ATP2B2: variants seen among roughly 807,000 people sequenced by gnomAD.
ATP2B2 encodes the protein plasma membrane calcium-transporting ATPase 2.
Under a neutral mutation model 120.0 loss-of-function variants are expected in ATP2B2, and 15 were observed. The ratio of observed to expected loss-of-function variants is 0.12; its 90% CI spans 0.08 to 0.19. The LOEUF is 0.19. ATP2B2 is among the 10% of genes least tolerant of loss of function. The probability of loss-of-function intolerance (pLI) is 1.00; values close to 1 mark genes in which losing one functional copy is unlikely to be tolerated. For synonymous variants in ATP2B2, 694 were observed against 700.3 expected, an observed-to-expected ratio of 0.99 and a Z score of 0.14; for missense variants, 1,045 against 1,719.8, an observed-to-expected ratio of 0.61 and a Z score of 6.94.
chr3:10,434,084 A>AGCTAGGGGGTGGGGCATACCCC (rs965984203), intron 2 of ATP2B2, among the ~76,000 whole-genome samples: 4 of 152,246 alleles, frequency 2.6e-5, no homozygotes, highest in African/African-American at 9.6e-5. Context: ...AGTGATTCTC[A>AGCTAGGGGGTGGGGCATACCCC]GCTAGGGGGT....
chr3:10,613,791 C>T (rs1033841893), intron 2 of ATP2B2, among the ~76,000 whole-genome samples: 3 of 152,070 alleles, frequency 2.0e-5, no homozygotes, highest in Non-Finnish European at 4.4e-5. Flanking sequence ...CCTGTATCCC[C>T]CACCCAGCCC....
chr3:10,618,512 T>G (rs922242919), intron 2 of ATP2B2, among the ~76,000 whole-genome samples: 6 of 152,346 alleles, frequency 3.9e-5, no homozygotes, highest in South Asian at 4.1e-4. Context: ...CAAGTCCACA[T>G]TATTTTCAGA....
At chr3:10,456,932 GGGGTGGA>G (rs972200246) in intron 1 of ATP2B2, among the ~76,000 whole-genome samples, 7 of 152,220 alleles carry the variant, frequency 4.6e-5, no homozygotes. Flanking sequence ...CCTGCAGTTG[GGGGTGGA>G]GGGCCAACAG....
intron 8 of ATP2B2, 57 bp from the exon 9 acceptor site, chr3:10,379,341 T>C (rs1246959648): frequency 3.8e-6 from 6 of 1,577,354 alleles, no homozygotes; most frequent in Non-Finnish European, 5.2e-6. Context: ...TGGTCGGTCA[T>C]CACGAAGACG....
intron 1 of ATP2B2, among the ~76,000 whole-genome samples, chr3:10,625,373 G>T (rs1361102956): frequency 6.6e-6 from 1 of 152,188 alleles, no homozygotes; most frequent in East Asian, 1.9e-4. Context: ...TGGAGCCAGG[G>T]GGAGGAGTCT....
At chr3:10,628,160 C>G (rs903207270) in intron 1 of ATP2B2, among the ~76,000 whole-genome samples, 2 of 152,190 alleles carry the variant, frequency 1.3e-5, no homozygotes, top group African/African-American at 2.4e-5. Context: ...GGCAGAGGCC[C>G]GACAACCCAG....
chr3:10,393,621 C>T (rs112183162), intron 5 of ATP2B2, among the ~76,000 whole-genome samples: 5,310 of 152,224 alleles, frequency 0.035, 138 homozygotes, highest in African/African-American at 0.068. Context: ...TCTGGGGCAG[C>T]CCCAAGGAGA....
chr3:10,483,496 C>A (rs1275226381), intron 1 of ATP2B2, among the ~76,000 whole-genome samples: 1 of 152,220 alleles, frequency 6.6e-6, no homozygotes, highest in Admixed American at 6.5e-5. Context: ...TGGCTCCTGG[C>A]CCTGAGTGGC....
intron 3 of ATP2B2, among the ~76,000 whole-genome samples, chr3:10,526,372 C>T (rs1356436558): frequency 6.6e-6 from 1 of 152,138 alleles, no homozygotes; most frequent in African/African-American, 2.4e-5. Context: ...CCAATCATTC[C>T]CTATTTAAGG....
At chr3:10,514,372 G>A (rs1032550225) in intron 3 of ATP2B2, among the ~76,000 whole-genome samples, 2 of 152,140 alleles carry the variant, frequency 1.3e-5, no homozygotes, top group African/African-American at 2.4e-5. Flanking sequence ...TGATGCTGAT[G>A]GAGTCTTGAT....
chr3:10,484,335 T>C (rs2065541530), intron 1 of ATP2B2, among the ~76,000 whole-genome samples: 1 of 152,126 alleles, frequency 6.6e-6, no homozygotes, highest in East Asian at 1.9e-4. Context: ...TGCTGGCCAC[T>C]GTCTGCCTCT....
chr3:10,328,220 A>G lies in ATP2B2; in HGVS notation c.*594T>C, dbSNP rs1314423902. 1 of 153,244 alleles carries G rather than the reference A, an allele frequency of 6.5e-6. No individual in the cohort carries two copies. Among genetic ancestry groups the G allele is most frequent in the Non-Finnish European group, 1.5e-5 (1 of 68,684 alleles). The allele number at this position is 153,244 out of a possible 1,614,324, so 9.5% of individuals were successfully genotyped here. A position where few individuals can be genotyped will look rare whatever the true frequency, so the allele number is the denominator to read the frequency against. ...ACAAAGAAATGGATATAACCTTGTG[A>G]GTGTCTATGAAGTTCTTCGGTTCCA... On this transcript the variant is annotated 3_prime_UTR_variant, in exon 23 of 23. Transcript: ENST00000360273.
intron 22 of ATP2B2, among the ~76,000 whole-genome samples, chr3:10,337,068 G>T (rs997526204): frequency 7.2e-5 from 11 of 152,286 alleles, no homozygotes; most frequent in Admixed American, 6.5e-4. Flanking sequence ...GCACCTCCGG[G>T]TCTGAAACCG....
At chr3:10,471,245 C>T (rs2064980306) in intron 1 of ATP2B2, among the ~76,000 whole-genome samples, 1 of 152,184 alleles carries the variant, frequency 6.6e-6, no homozygotes, top group African/African-American at 2.4e-5. Context: ...TGCAGGAGAC[C>T]CCCTCCCTGC....
intron 2 of ATP2B2, among the ~76,000 whole-genome samples, chr3:10,544,971 G>C (rs2067513798): frequency 6.6e-6 from 1 of 152,146 alleles, no homozygotes; most frequent in African/African-American, 2.4e-5. Flanking sequence ...CCAAACCCTG[G>C]AAACAACCAT....
At chr3:10,551,229 G>A (rs1294241592) in intron 2 of ATP2B2, among the ~76,000 whole-genome samples, 1 of 152,224 alleles carries the variant, frequency 6.6e-6, no homozygotes. Flanking sequence ...GGAGCTCATG[G>A]GACAGTTAGA....
intron 1 of ATP2B2, among the ~76,000 whole-genome samples, chr3:10,668,750 G>A (rs567372057): frequency 1.3e-5 from 2 of 151,542 alleles, no homozygotes; most frequent in Non-Finnish European, 2.9e-5. Context: ...CCTGCATTCC[G>A]CTTGCTGTCT....
intron 2 of ATP2B2, among the ~76,000 whole-genome samples, chr3:10,571,889 T>A (rs1030113113): frequency 6.6e-6 from 1 of 152,206 alleles, no homozygotes; most frequent in Non-Finnish European, 1.5e-5. Flanking sequence ...GATTGTGCAA[T>A]TGGCTCCCAT....
chr3:10,523,872 T>A (rs2067035705), intron 3 of ATP2B2, among the ~76,000 whole-genome samples: 1 of 151,456 alleles, frequency 6.6e-6, no homozygotes, highest in Non-Finnish European at 1.5e-5. Flanking sequence ...GAAAGTGAAC[T>A]GGCAGGACTA....
Sources: allele counts gnomAD v4.1 joint callset (sites outside exome capture counted in the v4.1 genomes callset), GRCh38; gene constraint gnomAD v4.1.1; transcripts MANE v1.5; gene names NCBI Gene and HGNC (gene_info 2026-07-23, HGNC 2026-07-21).